Variants in MLLT3 observed in about 807,000 individuals in gnomAD.
MLLT3 encodes the protein protein AF-9.
Under a neutral mutation model 53.2 loss-of-function variants are expected in MLLT3, and 4 were observed. The observed-to-expected ratio is 0.08, with a 90% CI of 0.04 to 0.17. The LOEUF is 0.17. Ranked by LOEUF, MLLT3 falls within the 10% of genes least tolerant of loss-of-function variation. The probability of loss-of-function intolerance (pLI) is 1.00; values close to 1 mark genes in which losing one functional copy is unlikely to be tolerated. For missense variants in MLLT3, 569 were observed against 684.0 expected, an observed-to-expected ratio of 0.83 and a Z score of 1.87; for synonymous variants, 283 against 230.6, an observed-to-expected ratio of 1.23 and a Z score of -2.06.
At chr9:20,487,865 G>C (rs1257359589) in intron 2 of MLLT3, among the ~76,000 whole-genome samples, 1 of 152,124 alleles carries the variant, frequency 6.6e-6, no homozygotes, top group Non-Finnish European at 1.5e-5. Flanking sequence ...TATAGTATTT[G>C]AGAGAGATGA....
At chr9:20,561,853 G>A (rs1819222178) in intron 2 of MLLT3, among the ~76,000 whole-genome samples, 1 of 152,104 alleles carries the variant, frequency 6.6e-6, no homozygotes, top group African/African-American at 2.4e-5. Flanking sequence ...CAACAGCTAT[G>A]ATTGTCCTAC....
intron 4 of MLLT3, among the ~76,000 whole-genome samples, chr9:20,434,047 G>T (rs1324435066): frequency 6.6e-6 from 1 of 152,076 alleles, no homozygotes; most frequent in African/African-American, 2.4e-5. Context: ...CTTGAATCTG[G>T]GAAGCGGAGG....
intron 2 of MLLT3, among the ~76,000 whole-genome samples, chr9:20,598,884 A>G (rs1820342358): frequency 6.6e-6 from 1 of 152,212 alleles, no homozygotes; most frequent in African/African-American, 2.4e-5. Flanking sequence ...CTCAAACCCT[A>G]TTCTGCTGCT....
chr9:20,361,774 T>C (rs1821327585), intron 7 of MLLT3, among the ~76,000 whole-genome samples: 1 of 152,220 alleles, frequency 6.6e-6, no homozygotes, highest in African/African-American at 2.4e-5. Context: ...AGAGATGTCC[T>C]CTTTCCGTAT....
chr9:20,482,747 T>G (rs1027386253), intron 2 of MLLT3, among the ~76,000 whole-genome samples: 6 of 152,204 alleles, frequency 3.9e-5, no homozygotes, highest in African/African-American at 1.4e-4. Flanking sequence ...TTTTCATTTC[T>G]TTTTTAATCC....
At chr9:20,395,552 G>C (rs956932584) in intron 5 of MLLT3, among the ~76,000 whole-genome samples, 1 of 152,088 alleles carries the variant, frequency 6.6e-6, no homozygotes, top group African/African-American at 2.4e-5. Flanking sequence ...TGAATCTAAT[G>C]CAAAACTGTT....
chr9:20,363,602 G>T lies in MLLT3; in HGVS notation c.1205C>A (p.Pro402His). 6.2e-7 allele frequency: 1 copy of T among 1,613,168 alleles called. No individual in the cohort carries two copies. Residue 402 changes from proline (P) to histidine (H), a missense_variant, in exon 7 of 11, where the codon CCT (proline) becomes CAT (histidine). Transcript: ENST00000380338. The part of the protein sequence containing the change: ...FTPSQTRQQG[P>H]LRSIMKDLHS... The stretch of plus-strand genomic sequence containing the variant: ...CAGATCTTTCATTATAGACCTCAAA[G>T]GACCTGAGTAATGACAATGAACCAC...
At chr9:20,537,085 T>C (rs1818509138) in intron 2 of MLLT3, among the ~76,000 whole-genome samples, 1 of 152,220 alleles carries the variant, frequency 6.6e-6, no homozygotes, top group South Asian at 2.1e-4. Flanking sequence ...AAGTAGCCAA[T>C]TATTTAAGGC....
At chr9:20,433,138 C>T (rs1313004432) in intron 4 of MLLT3, among the ~76,000 whole-genome samples, 1 of 151,982 alleles carries the variant, frequency 6.6e-6, no homozygotes, top group Non-Finnish European at 1.5e-5. Flanking sequence ...GGTGGAGAGA[C>T]ACCCGTACAG....
rs775843816 is a variant in MLLT3 at position 20,353,506 on chromosome 9, G to A, written c.1575+19C>T. The A allele has an allele frequency of 1.2e-6, 2 of 1,609,084 alleles. No individual in the cohort carries two copies. Among genetic ancestry groups the A allele is most frequent in the South Asian group, 2.2e-5 (2 of 90,952 alleles). ...TCTTGAAGTTTCTGGAAAGGGTTGT[G>A]CTAAAAAGCATTTCTCACCTGCTGC... is the stretch of plus-strand genomic sequence containing the variant. On this transcript the variant is annotated intron_variant, in intron 10 of 10. Coordinates refer to ENST00000380338, the MANE Select transcript of MLLT3 (RefSeq NM_004529.4).
At chr9:20,441,661 T>C (rs1823558793) in intron 4 of MLLT3, among the ~76,000 whole-genome samples, 1 of 152,164 alleles carries the variant, frequency 6.6e-6, no homozygotes, top group Admixed American at 6.6e-5. Context: ...AGCAGCATTC[T>C]TTTATCGTTT....
intron 2 of MLLT3, among the ~76,000 whole-genome samples, chr9:20,469,419 A>C (rs1824317719): frequency 6.6e-6 from 1 of 152,160 alleles, no homozygotes; most frequent in African/African-American, 2.4e-5. Context: ...CCTTGTTCTT[A>C]ATCACATTGA....
At chr9:20,461,440 C>A (rs1824105995) in intron 2 of MLLT3, among the ~76,000 whole-genome samples, 1 of 152,058 alleles carries the variant, frequency 6.6e-6, no homozygotes, top group South Asian at 2.1e-4. Flanking sequence ...ATAAGTCAAA[C>A]CCTTACTTAT....
At chr9:20,503,034 T>C (rs1027199237) in intron 2 of MLLT3, among the ~76,000 whole-genome samples, 1 of 151,886 alleles carries the variant, frequency 6.6e-6, no homozygotes, top group Admixed American at 6.6e-5. Flanking sequence ...CTATAAAAGA[T>C]TGATGAAAAA....
intron 4 of MLLT3, among the ~76,000 whole-genome samples, chr9:20,446,698 G>A (rs1823711449): frequency 6.6e-6 from 1 of 152,160 alleles, no homozygotes; most frequent in African/African-American, 2.4e-5. Flanking sequence ...TTAGTTGATT[G>A]TTAATGGCAT....
At chr9:20,499,689 T>A (rs897973217) in intron 2 of MLLT3, among the ~76,000 whole-genome samples, 3 of 152,194 alleles carry the variant, frequency 2.0e-5, no homozygotes, top group African/African-American at 7.2e-5. Context: ...CCCTGAGCTG[T>A]CCCCTTATTA....
At chr9:20,520,011 G>GT (rs1818019390) in intron 2 of MLLT3, among the ~76,000 whole-genome samples, 1 of 152,182 alleles carries the variant, frequency 6.6e-6, no homozygotes, top group Admixed American at 6.5e-5. Flanking sequence ...GGAATACTAT[G>GT]TAACCATAAA....
At chr9:20,429,513 G>A (rs1170377812) in intron 4 of MLLT3, among the ~76,000 whole-genome samples, 1 of 151,922 alleles carries the variant, frequency 6.6e-6, no homozygotes, top group African/African-American at 2.4e-5. Flanking sequence ...AAAAATTTTT[G>A]AATAGAATAT....
At chr9:20,572,700 G>A (rs12341167) in intron 2 of MLLT3, among the ~76,000 whole-genome samples, 50,417 of 151,904 alleles carry the variant, frequency 0.33, 8,526 homozygotes, top group South Asian at 0.42. Context: ...AGGTGGAGGC[G>A]GAAGGATTGC....
Sources: gnomAD v4.1 joint callset for allele counts (sites outside exome capture counted in the v4.1 genomes callset) on GRCh38, gnomAD v4.1.1 for gene constraint, MANE v1.5 for transcripts, NCBI Gene and HGNC (gene_info 2026-07-23, HGNC 2026-07-21) for gene names.